Variants in HMGN2 observed in about 807,000 individuals in gnomAD.
The protein encoded by HMGN2 is high mobility group nucleosomal binding domain 2.
In HMGN2, 2 loss-of-function variants were observed where a neutral mutation model predicts 16.9. The ratio of observed to expected loss-of-function variants is 0.12; its 90% CI spans 0.05 to 0.37. The LOEUF (loss-of-function observed/expected upper bound fraction) is 0.37. Ranked by LOEUF, HMGN2 falls within the 10% of genes least tolerant of loss-of-function variation. HMGN2 has a pLI of 1.00. For missense variants in HMGN2, 90 were observed against 106.0 expected (o/e 0.85, Z 0.66); for synonymous variants, 31 against 34.9 (o/e 0.89, Z 0.39).
intron 5 of HMGN2, 35 bp from the exon 6 acceptor site, chr1:26,475,078 C>A (rs755399680): frequency 6.3e-6 from 10 of 1,580,306 alleles, no homozygotes; most frequent in South Asian, 1.1e-5. Context: ...GTTTTGAAAT[C>A]TACGCATTGC....
Position 26,473,477 on chromosome 1 carries a change from T to C in HMGN2, c.16-6T>C, listed in dbSNP as rs1208604134. 2 of 1,610,656 alleles carry C rather than the reference T, an allele frequency of 1.2e-6. No homozygotes were observed. Among genetic ancestry groups the C allele is most frequent in the Non-Finnish European group, 8.5e-7 (1 of 1,176,934 alleles). ...ATCTGCAGTTTTTTGTTCTTGTTTC[T>C]TATAGGCTGAAGGGGATGCTAAGGG... On this transcript the variant is annotated splice_region_variant and splice_polypyrimidine_tract_variant and intron_variant, in intron 1 of 5. Transcript: ENST00000361427.
At chr1:26,472,882 T>G (rs1422085322) in intron 1 of HMGN2, among the ~76,000 whole-genome samples, 1 of 151,252 alleles carries the variant, frequency 6.6e-6, no homozygotes, top group East Asian at 2.0e-4. Context: ...CCCGCTCTCC[T>G]CGGGCTCGCC....
Position 26,476,468 on chromosome 1 carries a change from C to CT in HMGN2, c.*1323dup, listed in dbSNP as rs1284805391. On this transcript the variant is annotated 3_prime_UTR_variant, in exon 6 of 6. Transcript: ENST00000361427. The stretch of plus-strand genomic sequence containing the variant: ...GACCTGCAAACAAAGACAATGGGGT[C>CT]TTTCCTGATTCCTTTAGTTTGGAGA... Among the ~76,000 whole-genome samples the CT allele has an allele frequency of 6.6e-6, 1 of 152,184 alleles. No individual in the cohort carries two copies. Among genetic ancestry groups the CT allele is most frequent in the Non-Finnish European group, 1.5e-5 (1 of 68,038 alleles).
At chr1:26,472,798 T>C (rs2075580496) in intron 1 of HMGN2, among the ~76,000 whole-genome samples, 171 bp downstream of exon 1, 1 of 151,514 alleles carries the variant, frequency 6.6e-6, no homozygotes, top group Non-Finnish European at 1.5e-5. Context: ...GCGGCTCGGC[T>C]GCCCGCGGGC....
At position 26,473,548 on chromosome 1, in the gene HMGN2, G is replaced by A. The variant is rs997428424; in HGVS notation, c.60+21G>A. On this transcript the variant is annotated intron_variant, in intron 2 of 5. Transcript: ENST00000361427. ...ACGAAGTAAGTCATTCTCTCTTCAA[G>A]GGTCAAAGCCTTGGACTAGCAGAGG... 1.6e-5 allele frequency: 25 copies of A among 1,606,838 alleles called. 1 individual carries two copies. Among genetic ancestry groups the A allele is most frequent in the Non-Finnish European group, 2.0e-5 (24 of 1,173,494 alleles).
rs935833339 is a variant in HMGN2 at position 26,475,782 on chromosome 1, C to T, written c.*634C>T. The T allele has an allele frequency of 3.0e-6, 1 of 336,730 alleles. No homozygotes were observed. Among genetic ancestry groups the T allele is most frequent in the African/African-American group, 2.2e-5 (1 of 45,366 alleles). 20.9% of individuals were successfully genotyped at this position (336,730 alleles called of 1,614,324 possible). On this transcript the variant is annotated 3_prime_UTR_variant, in exon 6 of 6. Transcript: ENST00000361427. The stretch of plus-strand genomic sequence containing the variant: ...ATGTCAACCCTCACTCTAAACTTTC[C>T]CTGTTCAGAGCATCAGATGAAGACT...
Position 26,473,515 on chromosome 1 carries a change from G to A in HMGN2, c.48G>A (p.Lys16=). Residue 16 remains lysine (K), a synonymous_variant, in exon 2 of 6, where the codon AAG becomes AAA. Transcript: ENST00000361427. ...GGGATGCTAAGGGAGATAAAGCAAAGGTGAAGGACGAAGTAAGTCATTCTC... is the reference window on the plus strand; with the variant it reads ...GGGATGCTAAGGGAGATAAAGCAAAAGTGAAGGACGAAGTAAGTCATTCTC... ...AEGDAKGDKA[K]VKDEPQRRSA... 1.2e-6 allele frequency: 2 copies of A among 1,613,330 alleles called. No homozygotes were observed. Among genetic ancestry groups the A allele is most frequent in the African/African-American group, 1.3e-5 (1 of 75,042 alleles).
chr1:26,474,795 T>A, intron 5 of HMGN2, 128 bp downstream of exon 5: 1 of 649,562 alleles, frequency 1.5e-6, no homozygotes. Context: ...GTGGCTTTCC[T>A]GTTAACTTAA....
At chr1:26,473,664 T>TA (rs1274579306) in intron 2 of HMGN2, 39 bp from the exon 3 acceptor site, 1 of 1,610,980 alleles carries the variant, frequency 6.2e-7, no homozygotes, top group Admixed American at 1.7e-5. Flanking sequence ...CAAAGCGACT[T>TA]ACCTGTCCTA....
Position 26,472,570 on chromosome 1 carries a change from C to G in HMGN2, c.-43C>G, listed in dbSNP as rs2075577154. ...ACCAAAGCCCGCGCGCCGCTGCATC[C>G]CGCGTCCAGCACCTACGTCCCGCTG... On this transcript the variant is annotated 5_prime_UTR_variant, in exon 1 of 6. Coordinates refer to ENST00000361427, the MANE Select transcript of HMGN2 (RefSeq NM_005517.4). The G allele has an allele frequency of 1.9e-5, 29 of 1,535,824 alleles. No individual in the cohort carries two copies. The highest frequency in any genetic ancestry group is 2.4e-5 in the Non-Finnish European group (27 of 1,148,028).
chr1:26,474,963 T>C, intron 5 of HMGN2, 150 bp from the exon 6 acceptor site: 1 of 672,500 alleles, frequency 1.5e-6, no homozygotes, highest in Non-Finnish European at 2.6e-6. Flanking sequence ...TTAGCAAAGT[T>C]ACCTAGTAAG....
At position 26,476,638 on chromosome 1, in the gene HMGN2, A is replaced by G. The variant is rs116242087; in HGVS notation, c.*1490A>G. Among the ~76,000 whole-genome samples, 432 of 152,306 alleles carry G rather than the reference A, an allele frequency of 2.8e-3. 1 individual carries two copies. The highest frequency in any genetic ancestry group is 6.8e-3 in the Middle Eastern group (2 of 294). The stretch of plus-strand genomic sequence containing the variant: ...TGGACAGGAATAAAGTAAATTGGAG[A>G]CTAATTGCTTTGTCCATTCCCTTAG... On this transcript the variant is annotated 3_prime_UTR_variant, in exon 6 of 6. Transcript: ENST00000361427.
chr1:26,473,986 GAAAC>G, intron 3 of HMGN2, 95 bp from the exon 4 acceptor site: 1 of 1,049,702 alleles, frequency 9.5e-7, no homozygotes, highest in East Asian at 2.4e-5. Context: ...AGGAGGAGGA[GAAAC>G]TTCTCTACCC....
At chr1:26,474,499 T>A in intron 4 of HMGN2, 73 bp from the exon 5 acceptor site, 1 of 753,518 alleles carries the variant, frequency 1.3e-6, no homozygotes, top group South Asian at 1.5e-5. Flanking sequence ...TCCTACCTTG[T>A]GCAGAACTTT....
At position 26,473,478 on chromosome 1, in the gene HMGN2, T is replaced by C; in HGVS notation, c.16-5T>C. On this transcript the variant is annotated splice_region_variant and splice_polypyrimidine_tract_variant and intron_variant, in intron 1 of 5. Transcript: ENST00000361427. Reference sequence around the variant, plus strand: ...TCTGCAGTTTTTTGTTCTTGTTTCTTATAGGCTGAAGGGGATGCTAAGGGA... The same window carrying C: ...TCTGCAGTTTTTTGTTCTTGTTTCTCATAGGCTGAAGGGGATGCTAAGGGA... The C allele has an allele frequency of 6.2e-7, 1 of 1,610,958 alleles. No homozygotes were observed.
At chr1:26,473,262 C>T in intron 1 of HMGN2, 1 of 567,208 alleles carries the variant, frequency 1.8e-6, no homozygotes, top group Admixed American at 3.3e-5. Flanking sequence ...GGCTCCGCTG[C>T]CCTCCCCGGC....
At chr1:26,473,565 T>A in intron 2 of HMGN2, 38 bp downstream of exon 2, 1 of 1,576,762 alleles carries the variant, frequency 6.3e-7, no homozygotes, top group Non-Finnish European at 8.7e-7. Context: ...AGCCTTGGAC[T>A]AGCAGAGGCC....
chr1:26,473,870 G>T (rs2075591800), intron 3 of HMGN2, 138 bp downstream of exon 3: 2 of 918,170 alleles, frequency 2.2e-6, no homozygotes, highest in East Asian at 2.5e-5. Context: ...TGCCCCTTTG[G>T]GTTTTGCTGG....
intron 5 of HMGN2, 26 bp from the exon 6 acceptor site, chr1:26,475,087 G>A (rs2075599174): frequency 1.3e-6 from 2 of 1,595,604 alleles, no homozygotes; most frequent in African/African-American, 1.3e-5. Context: ...TCTACGCATT[G>A]CATTAATTTG....
Sources: gnomAD v4.1 joint callset for allele counts (sites outside exome capture counted in the v4.1 genomes callset) on GRCh38, gnomAD v4.1.1 for gene constraint, MANE v1.5 for transcripts, NCBI Gene and HGNC (gene_info 2026-07-23, HGNC 2026-07-21) for gene names.